Variants in LYPD6B observed in about 807,000 individuals in gnomAD.
LYPD6B encodes LY6/PLAUR domain containing 6B, also known as ly6/PLAUR domain-containing protein 6B.
LYPD6B carries 17 observed loss-of-function variants against 22.8 expected under a neutral mutation model. The ratio of observed to expected loss-of-function variants is 0.75; its 90% CI spans 0.51 to 1.12. The LOEUF (loss-of-function observed/expected upper bound fraction) is 1.12. LYPD6B is among the 50% of genes most tolerant of loss of function. The pLI is 0.00. For missense variants in LYPD6B, 221 were observed against 258.3 expected (o/e 0.86, Z 0.99); for synonymous variants, 106 against 91.6 (o/e 1.16, Z -0.90).
At chr2:149,095,706 C>A (rs1181927728) in intron 1 of LYPD6B, among the ~76,000 whole-genome samples, 2 of 151,228 alleles carry the variant, frequency 1.3e-5, no homozygotes, top group African/African-American at 4.9e-5. Context: ...AGGTGTGATG[C>A]AAGGGGGTGA....
chr2:149,214,766 G>C lies in LYPD6B; in HGVS notation c.*56G>C, dbSNP rs1259682190. On this transcript the variant is annotated 3_prime_UTR_variant, in exon 7 of 7. Coordinates refer to ENST00000409642, the MANE Select transcript of LYPD6B (RefSeq NM_177964.5). ...GCCTCTAAAGCACAAGCCAAAAACT[G>C]TGTGAACGGTGAACTTTGGAGTGAA... is the stretch of plus-strand genomic sequence containing the variant. 2 of 1,561,786 alleles carry C rather than the reference G, an allele frequency of 1.3e-6. No individual in the cohort carries two copies. Among genetic ancestry groups the C allele is most frequent in the African/African-American group, 2.7e-5 (2 of 73,840 alleles).
chr2:149,103,350 A>C (rs887314388), intron 1 of LYPD6B, among the ~76,000 whole-genome samples: 2 of 152,230 alleles, frequency 1.3e-5, no homozygotes, highest in African/African-American at 4.8e-5. Flanking sequence ...TATTTCACAG[A>C]ACATTAAGCT....
intron 2 of LYPD6B, among the ~76,000 whole-genome samples, chr2:149,139,087 C>A (rs879549121): frequency 6.6e-6 from 1 of 152,134 alleles, no homozygotes; most frequent in Non-Finnish European, 1.5e-5. Flanking sequence ...ACATGTAGCA[C>A]CGTGAAGTGC....
intron 3 of LYPD6B, among the ~76,000 whole-genome samples, chr2:149,202,389 G>A (rs1244727479): frequency 6.6e-6 from 1 of 152,026 alleles, no homozygotes; most frequent in Non-Finnish European, 1.5e-5. Flanking sequence ...TCCCCCATGA[G>A]GCAAGCTTCT....
At chr2:149,095,550 G>T (rs776870344) in intron 1 of LYPD6B, among the ~76,000 whole-genome samples, 14 of 152,192 alleles carry the variant, frequency 9.2e-5, no homozygotes, top group Non-Finnish European at 1.6e-4. Context: ...AGCTAATCTA[G>T]TTAATTATTG....
intron 2 of LYPD6B, among the ~76,000 whole-genome samples, chr2:149,146,088 G>T (rs1471137476): frequency 6.6e-6 from 1 of 152,186 alleles, no homozygotes; most frequent in Non-Finnish European, 1.5e-5. Flanking sequence ...TCTATTCTGT[G>T]CCAATGACAA....
chr2:149,119,775 A>T (rs1236544603), intron 1 of LYPD6B, among the ~76,000 whole-genome samples: 1 of 152,232 alleles, frequency 6.6e-6, no homozygotes, highest in Admixed American at 6.5e-5. Flanking sequence ...GGCGATGTTC[A>T]TCCTACCGCT....
chr2:149,189,638 C>T (rs1206917850), intron 3 of LYPD6B, among the ~76,000 whole-genome samples: 8 of 151,838 alleles, frequency 5.3e-5, no homozygotes, highest in African/African-American at 1.7e-4. Context: ...CATCACAACA[C>T]TATATACATA....
At chr2:149,205,057 C>T (rs1404304188) in intron 3 of LYPD6B, 196 bp from the exon 4 acceptor site, 1 of 568,468 alleles carries the variant, frequency 1.8e-6, no homozygotes, top group Non-Finnish European at 3.0e-6. Flanking sequence ...AGTGCAGAGG[C>T]CTGACCAGTA....
At chr2:149,157,638 G>T (rs1379042319) in intron 2 of LYPD6B, among the ~76,000 whole-genome samples, 1 of 152,158 alleles carries the variant, frequency 6.6e-6, no homozygotes, top group Non-Finnish European at 1.5e-5. Flanking sequence ...GTGAACTCGG[G>T]TGTGCATTGA....
intron 1 of LYPD6B, among the ~76,000 whole-genome samples, chr2:149,059,676 C>T (rs908704011): frequency 1.3e-5 from 2 of 152,152 alleles, no homozygotes; most frequent in African/African-American, 4.8e-5. Context: ...GAGCAGGCAC[C>T]CTGCTGACCC....
chr2:149,053,853 G>C (rs969917450), intron 1 of LYPD6B, among the ~76,000 whole-genome samples: 10 of 152,144 alleles, frequency 6.6e-5, no homozygotes, highest in African/African-American at 2.2e-4. Flanking sequence ...GTGGTCTCTT[G>C]TGTCTGGTTT....
intron 3 of LYPD6B, among the ~76,000 whole-genome samples, chr2:149,161,833 TTA>T (rs1690081815): frequency 6.6e-6 from 1 of 152,222 alleles, no homozygotes; most frequent in Non-Finnish European, 1.5e-5. Flanking sequence ...TTAATGATAA[TTA>T]TATGTTTCAA....
chr2:149,107,075 A>T (rs1024990641), intron 1 of LYPD6B, among the ~76,000 whole-genome samples: 36 of 152,140 alleles, frequency 2.4e-4, no homozygotes, highest in African/African-American at 8.2e-4. Flanking sequence ...TAACAACAAT[A>T]ACTAATAATA....
intron 3 of LYPD6B, among the ~76,000 whole-genome samples, chr2:149,180,408 G>A (rs1052527989): frequency 2.6e-5 from 4 of 152,158 alleles, no homozygotes; most frequent in African/African-American, 7.2e-5. Context: ...GCACTTCTTT[G>A]TCTTCCCCAG....
chr2:149,184,148 A>T (rs10196655), intron 3 of LYPD6B, among the ~76,000 whole-genome samples: 278 of 151,786 alleles, frequency 1.8e-3, no homozygotes, highest in African/African-American at 6.0e-3. Flanking sequence ...GCCAAGATTG[A>T]GCCATTGCAC....
At chr2:149,173,022 A>C (rs1690958868) in intron 3 of LYPD6B, among the ~76,000 whole-genome samples, 2 of 151,876 alleles carry the variant, frequency 1.3e-5, no homozygotes, top group Non-Finnish European at 2.9e-5. Flanking sequence ...GTGTGTGTAC[A>C]TATATGTATA....
chr2:149,132,515 G>C (rs1391739062), intron 2 of LYPD6B, among the ~76,000 whole-genome samples: 1 of 151,800 alleles, frequency 6.6e-6, no homozygotes, highest in Non-Finnish European at 1.5e-5. Flanking sequence ...CCAACATTTT[G>C]GCTCCCTCTC....
chr2:149,148,366 G>T (rs1689165273), intron 2 of LYPD6B, among the ~76,000 whole-genome samples: 1 of 152,208 alleles, frequency 6.6e-6, no homozygotes, highest in Non-Finnish European at 1.5e-5. Context: ...ACTGACAAGA[G>T]ATTAAAGGAG....
Sources: gnomAD v4.1 joint callset for allele counts (sites outside exome capture counted in the v4.1 genomes callset) on GRCh38, gnomAD v4.1.1 for gene constraint, MANE v1.5 for transcripts, NCBI Gene and HGNC (gene_info 2026-07-23, HGNC 2026-07-21) for gene names.